Variants in SH3PXD2A observed in about 807,000 individuals in gnomAD.
The protein encoded by SH3PXD2A is SH3 and PX domain-containing protein 2A.
In SH3PXD2A, 32 loss-of-function variants were observed where a neutral mutation model predicts 115.2. The observed-to-expected ratio is 0.28, with a 90% confidence interval of 0.21 to 0.37. The LOEUF (loss-of-function observed/expected upper bound fraction) is 0.37, where lower values mean the gene tolerates loss of function less well. Among genes scored for constraint, SH3PXD2A ranks in the 10% least tolerant of loss-of-function variants. The probability of loss-of-function intolerance (pLI) is 1.00; values close to 1 mark genes in which losing one functional copy is unlikely to be tolerated. For synonymous variants in SH3PXD2A, 610 were observed against 629.1 expected, an observed-to-expected ratio of 0.97 and a Z score of 0.45; for missense variants, 1,328 against 1,498.7, an observed-to-expected ratio of 0.89 and a Z score of 1.88.
chr10:103,769,134 CTG>C (rs67426639), intron 2 of SH3PXD2A, among the ~76,000 whole-genome samples: 16,617 of 141,506 alleles, frequency 0.12, 899 homozygotes, highest in South Asian at 0.13. Context: ...AGGCTAGACT[CTG>C]TGTGTGTGTG....
chr10:103,778,118 A>C (rs779339205), intron 2 of SH3PXD2A, among the ~76,000 whole-genome samples: 7 of 152,160 alleles, frequency 4.6e-5, no homozygotes, highest in Non-Finnish European at 1.5e-5. Context: ...TCACGAGGTC[A>C]GGAGATCGAG....
intron 13 of SH3PXD2A, among the ~76,000 whole-genome samples, chr10:103,610,398 T>C (rs2036407985): frequency 6.6e-6 from 1 of 152,104 alleles, no homozygotes; most frequent in Non-Finnish European, 1.5e-5. Context: ...TGCCTGAAAA[T>C]AATTAGCCGT....
intron 2 of SH3PXD2A, among the ~76,000 whole-genome samples, chr10:103,800,235 C>T (rs370587092): frequency 3.4e-4 from 52 of 152,244 alleles, no homozygotes; most frequent in East Asian, 1.9e-4. Context: ...GCCTGTGATC[C>T]GCAGAGGTGG....
At position 103,603,173 on chromosome 10, in the gene SH3PXD2A, C is replaced by T. The variant is rs1320473470; in HGVS notation, c.2045G>A (p.Gly682Glu). ...KAEKNAQAEMGKNHSSASFSS... is the reference protein window; with the variant it reads ...KAEKNAQAEMEKNHSSASFSS... ...AAAGGAGGCTGAGGAGTGGTTCTTC[C>T]CCATTTCTGCCTGGGCATTCTTCTC... Residue 682 changes from glycine to glutamate, a missense_variant, in exon 15 of 15, where the codon GGG becomes GAG. Coordinates refer to ENST00000369774, the MANE Select transcript of SH3PXD2A (RefSeq NM_001394015.1). The T allele has an allele frequency of 1.2e-6, 2 of 1,613,972 alleles. No homozygotes were observed. Among genetic ancestry groups the T allele is most frequent in the African/African-American group, 1.3e-5 (1 of 75,060 alleles).
chr10:103,661,500 TCCGGCCTCCCTCTCGGG>T (rs2037301230), intron 7 of SH3PXD2A: 1 of 273,498 alleles, frequency 3.7e-6, no homozygotes. Flanking sequence ...ACGGGGTCTC[TCCGGCCTCCCTCTCGGG>T]CCGGCAGGGG....
chr10:103,718,455 A>G (rs1197819160), intron 5 of SH3PXD2A, among the ~76,000 whole-genome samples: 1 of 151,830 alleles, frequency 6.6e-6, no homozygotes, highest in Non-Finnish European at 1.5e-5. Flanking sequence ...ACCCCTGCCC[A>G]TTGACCCCTT....
intron 6 of SH3PXD2A, among the ~76,000 whole-genome samples, chr10:103,671,751 AG>A: frequency 7.0e-6 from 1 of 143,658 alleles, no homozygotes; most frequent in East Asian, 2.4e-4. Context: ...ACAGAGGGAC[AG>A]GGGTGAAGGA....
chr10:103,608,163 A>AAAAAGTTTAC (rs2036360269), intron 13 of SH3PXD2A, among the ~76,000 whole-genome samples: 2 of 145,662 alleles, frequency 1.4e-5, no homozygotes, highest in Non-Finnish European at 3.0e-5. Flanking sequence ...AAAAAAAAAA[A>AAAAAGTTTAC]AAAAAAAGAA....
intron 1 of SH3PXD2A, among the ~76,000 whole-genome samples, chr10:103,806,887 A>T (rs952799957): frequency 2.2e-4 from 34 of 152,210 alleles, no homozygotes; most frequent in African/African-American, 8.2e-4. Context: ...TTGATGGAGG[A>T]GTGGAATCAT....
intron 1 of SH3PXD2A, among the ~76,000 whole-genome samples, chr10:103,838,226 C>T (rs2039564479): frequency 1.3e-5 from 2 of 152,188 alleles, no homozygotes; most frequent in South Asian, 2.1e-4. Flanking sequence ...CCTGTCAGGC[C>T]CCAGGGGCTC....
At position 103,756,943 on chromosome 10, in the gene SH3PXD2A, C is replaced by T. The variant is rs950863496; in HGVS notation, c.229+10151G>A. Among the ~76,000 whole-genome samples the T allele has an allele frequency of 5.9e-5, 9 of 152,288 alleles. No individual in the cohort carries two copies. The South Asian group carries it at 1.7e-3, about 28-fold the overall frequency. On this transcript the variant is annotated intron_variant, in intron 3 of 14. Transcript: ENST00000369774. The surrounding 1 kb of genome is among the most constrained non-coding windows in gnomAD (Gnocchi z 4.4). Reference sequence around the variant, plus strand: ...CAGACTCCACACAGGCCTTTGAGGCCTAGCACCTTCTTCTGTCTCTAGCCT... The same window carrying T: ...CAGACTCCACACAGGCCTTTGAGGCTTAGCACCTTCTTCTGTCTCTAGCCT...
chr10:103,841,912 C>T (rs943760602), intron 1 of SH3PXD2A, among the ~76,000 whole-genome samples: 1 of 152,162 alleles, frequency 6.6e-6, no homozygotes, highest in Non-Finnish European at 1.5e-5. Flanking sequence ...ATCACGAGGT[C>T]AGGAGATCAA....
intron 1 of SH3PXD2A, among the ~76,000 whole-genome samples, chr10:103,821,909 C>CT (rs34124305): frequency 1.8e-4 from 27 of 146,870 alleles, no homozygotes; most frequent in Non-Finnish European, 2.4e-4. Context: ...TCTTCTTTTT[C>CT]TTTTTTTTTT....
At chr10:103,795,372 T>C (rs540422982) in intron 2 of SH3PXD2A, among the ~76,000 whole-genome samples, 20 of 151,978 alleles carry the variant, frequency 1.3e-4, no homozygotes, top group African/African-American at 4.6e-4. Context: ...GCAGGAGATA[T>C]GGGGAGAGAA....
intron 2 of SH3PXD2A, among the ~76,000 whole-genome samples, chr10:103,795,508 G>A (rs1015195879): frequency 1.3e-5 from 2 of 152,182 alleles, no homozygotes; most frequent in Admixed American, 6.5e-5. Context: ...TGGGGAGAGA[G>A]TCTTTGGCTT....
At chr10:103,631,978 G>A (rs2036787084) in intron 8 of SH3PXD2A, among the ~76,000 whole-genome samples, 1 of 151,998 alleles carries the variant, frequency 6.6e-6, no homozygotes, top group Non-Finnish European at 1.5e-5. Flanking sequence ...ATAGCGCACG[G>A]TTCTGGTTCC....
intron 1 of SH3PXD2A, among the ~76,000 whole-genome samples, chr10:103,833,470 T>C (rs963303701): frequency 1.3e-5 from 2 of 151,332 alleles, no homozygotes; most frequent in African/African-American, 4.8e-5. Flanking sequence ...CATATATATA[T>C]ATATTTATAT....
intron 3 of SH3PXD2A, among the ~76,000 whole-genome samples, chr10:103,747,938 C>CCG (rs902337081): frequency 5.3e-5 from 8 of 152,140 alleles, no homozygotes; most frequent in African/African-American, 9.7e-5. Flanking sequence ...GTTTGAACCA[C>CCG]CGCGCCTGTC....
chr10:103,812,372 G>T (rs945523143), intron 1 of SH3PXD2A, among the ~76,000 whole-genome samples: 5 of 152,164 alleles, frequency 3.3e-5, no homozygotes, highest in African/African-American at 1.2e-4. Flanking sequence ...AAAGCTCAAT[G>T]CTCCCAGACA....
Sources: gnomAD v4.1 joint callset for allele counts (sites outside exome capture counted in the v4.1 genomes callset) on GRCh38, gnomAD v4.1.1 for gene constraint, Gnocchi (gnomAD v3.1) non-coding constraint, MANE v1.5 for transcripts, NCBI Gene and HGNC (gene_info 2026-07-23, HGNC 2026-07-21) for gene names.